DLGAP1: variants seen among roughly 807,000 people sequenced by gnomAD.
The protein encoded by DLGAP1 is disks large-associated protein 1.
A neutral mutation model predicts 90.8 loss-of-function variants in DLGAP1; 11 were observed. That is an observed-to-expected ratio of 0.12 (90% CI 0.08 to 0.20). The LOEUF (loss-of-function observed/expected upper bound fraction) is 0.20. DLGAP1 is among the 10% of genes least tolerant of loss of function. DLGAP1 has a pLI of 1.00. For synonymous variants in DLGAP1, 558 were observed against 540.7 expected (o/e 1.03, Z -0.44); for missense variants, 1,050 against 1,333.8 (o/e 0.79, Z 3.31).
At chr18:3,780,705 A>C (rs2065150263) in intron 5 of DLGAP1, among the ~76,000 whole-genome samples, 1 of 152,230 alleles carries the variant, frequency 6.6e-6, no homozygotes, top group South Asian at 2.1e-4. Context: ...CGGCATTAAG[A>C]TGTGGATATC....
rs2069894933 is a variant in DLGAP1, at chr18:3,859,550, T to TCA, written c.957+19560_957+19561dup. Among the ~76,000 whole-genome samples, 3 of 152,162 alleles carry TCA rather than the reference T, an allele frequency of 2.0e-5. No individual in the cohort carries two copies. The East Asian group carries it at 5.8e-4, about 29-fold the overall frequency. Reference sequence around the variant, plus strand: ...GCATTATCAAGTGGGCCCAATATAATCACAAATAAGTAGAAGGAAAGTCAG... The same window carrying TCA: ...GCATTATCAAGTGGGCCCAATATAATCACACAAATAAGTAGAAGGAAAGTCAG... On this transcript the variant is annotated intron_variant, in intron 4 of 12. Coordinates refer to ENST00000315677, the MANE Select transcript of DLGAP1 (RefSeq NM_004746.4).
intron 2 of DLGAP1, among the ~76,000 whole-genome samples, chr18:4,119,598 G>A (rs921623812): frequency 2.0e-5 from 3 of 152,180 alleles, no homozygotes; most frequent in Admixed American, 1.3e-4. Flanking sequence ...GATGACAGCC[G>A]AAGGCACACA....
At chr18:4,038,483 C>A (rs560241657) in intron 2 of DLGAP1, among the ~76,000 whole-genome samples, 201 of 152,116 alleles carry the variant, frequency 1.3e-3, no homozygotes, top group Non-Finnish European at 2.5e-3. Flanking sequence ...GCAGATAGTT[C>A]TGTGTTAATT....
At chr18:3,682,266 C>A (rs1598335040) in intron 7 of DLGAP1, among the ~76,000 whole-genome samples, 2 of 152,292 alleles carry the variant, frequency 1.3e-5, no homozygotes, top group Middle Eastern at 3.4e-3. Context: ...TCTTCACCTT[C>A]CATCATGATT....
chr18:3,900,011 A>C (rs1199005896), intron 3 of DLGAP1, among the ~76,000 whole-genome samples: 5 of 152,172 alleles, frequency 3.3e-5, no homozygotes, highest in African/African-American at 4.8e-5. Context: ...AAAACCAAAA[A>C]CAAACAAACA....
At chr18:3,849,736 G>C (rs1310060302) in intron 4 of DLGAP1, among the ~76,000 whole-genome samples, 1 of 152,158 alleles carries the variant, frequency 6.6e-6, no homozygotes, top group African/African-American at 2.4e-5. Context: ...TGAACAATGG[G>C]AGCGCAAGAG....
At chr18:3,741,243 T>C (rs1430750932) in intron 6 of DLGAP1, among the ~76,000 whole-genome samples, 81 of 49,072 alleles carry the variant, frequency 1.7e-3, no homozygotes, top group South Asian at 8.3e-3. Flanking sequence ...ACCACCACCA[T>C]CACCATCACC....
chr18:4,316,776 G>T (rs528295594), intron 1 of DLGAP1, among the ~76,000 whole-genome samples: 1 of 152,242 alleles, frequency 6.6e-6, no homozygotes, highest in African/African-American at 2.4e-5. Context: ...AAATTAGCAG[G>T]ATCAATCTCT....
chr18:4,414,425 A>AT (rs1411601287), intron 1 of DLGAP1, among the ~76,000 whole-genome samples: 2 of 152,144 alleles, frequency 1.3e-5, no homozygotes, highest in Non-Finnish European at 2.9e-5. Flanking sequence ...TTGGTCTGTT[A>AT]TAAGAATCAT....
rs1350442355 is a variant in DLGAP1 at position 3,775,502 on chromosome 18, A to G, written c.1173-32990T>C. ...GCCTGCTTCCCTTTCCCCTTCCACCATGATTGTAAGTTTCCCGAGGCCTCA... is the reference window on the plus strand; with the variant it reads ...GCCTGCTTCCCTTTCCCCTTCCACCGTGATTGTAAGTTTCCCGAGGCCTCA... On this transcript the variant is annotated intron_variant, in intron 5 of 12. Transcript: ENST00000315677. This position sits in a 1 kb window ranked among gnomAD's most constrained non-coding sequence, Gnocchi z 4.9. 6.6e-6 allele frequency among the ~76,000 whole-genome samples: 1 copy of G among 152,074 alleles called. No individual in the cohort carries two copies. Among genetic ancestry groups the G allele is most frequent in the Non-Finnish European group, 1.5e-5 (1 of 68,024 alleles).
chr18:4,198,725 C>T (rs993389450), intron 1 of DLGAP1, among the ~76,000 whole-genome samples: 1 of 152,134 alleles, frequency 6.6e-6, no homozygotes, highest in African/African-American at 2.4e-5. Flanking sequence ...AAGAGATTGG[C>T]CTCAAGGTAC....
intron 1 of DLGAP1, among the ~76,000 whole-genome samples, chr18:4,395,169 C>A (rs1217230002): frequency 1.3e-5 from 2 of 152,182 alleles, no homozygotes; most frequent in Non-Finnish European, 2.9e-5. Flanking sequence ...TAGCACATTG[C>A]ATTGGGAATT....
chr18:4,360,464 G>A (rs1372724256), intron 1 of DLGAP1, among the ~76,000 whole-genome samples: 1 of 152,180 alleles, frequency 6.6e-6, no homozygotes, highest in Non-Finnish European at 1.5e-5. Context: ...TCACGAAAGT[G>A]AAAGTGAAGA....
At chr18:4,341,454 T>G (rs953196866) in intron 1 of DLGAP1, among the ~76,000 whole-genome samples, 1 of 152,156 alleles carries the variant, frequency 6.6e-6, no homozygotes, top group Non-Finnish European at 1.5e-5. Context: ...TGAAAGGACA[T>G]AATGTTTCAG....
At chr18:3,991,068 G>A (rs913959763) in intron 3 of DLGAP1, among the ~76,000 whole-genome samples, 1 of 151,882 alleles carries the variant, frequency 6.6e-6, no homozygotes, top group Non-Finnish European at 1.5e-5. Flanking sequence ...CAGGGGTTTG[G>A]TGTATAGATA....
chr18:3,672,626 T>G (rs1361726569), intron 7 of DLGAP1, among the ~76,000 whole-genome samples: 5 of 128,610 alleles, frequency 3.9e-5, no homozygotes, highest in African/African-American at 8.8e-5. Flanking sequence ...GAGAAACAGG[T>G]AGATAAACCC....
chr18:3,764,542 A>G (rs1338808469), intron 5 of DLGAP1, among the ~76,000 whole-genome samples: 1 of 152,260 alleles, frequency 6.6e-6, no homozygotes, highest in Non-Finnish European at 1.5e-5. Context: ...TAAGACAAAG[A>G]GGGAAATACG....
chr18:3,755,122 C>T (rs2063667954), intron 5 of DLGAP1, among the ~76,000 whole-genome samples: 3 of 151,696 alleles, frequency 2.0e-5, no homozygotes, highest in Admixed American at 2.0e-4. Flanking sequence ...CTGGAGTAAC[C>T]ATTATGAAAA....
intron 4 of DLGAP1, among the ~76,000 whole-genome samples, chr18:3,844,808 A>C (rs1232331874): frequency 6.6e-6 from 1 of 152,160 alleles, no homozygotes; most frequent in Non-Finnish European, 1.5e-5. Flanking sequence ...AACATGATGT[A>C]CGTATTCTGC....
Sources: gnomAD v4.1 joint callset for allele counts (sites outside exome capture counted in the v4.1 genomes callset) on GRCh38, gnomAD v4.1.1 for gene constraint, Gnocchi (gnomAD v3.1) non-coding constraint, MANE v1.5 for transcripts, NCBI Gene and HGNC (gene_info 2026-07-23, HGNC 2026-07-21) for gene names.